The following PDE4C variants were observed in gnomAD, a reference collection of about 807,000 sequenced individuals.
PDE4C encodes the protein 3',5'-cyclic-AMP phosphodiesterase 4C.
A neutral mutation model predicts 63.9 loss-of-function variants in PDE4C; 50 were observed. The ratio of observed to expected loss-of-function variants is 0.78; its 90% CI spans 0.62 to 0.99. PDE4C has a LOEUF of 0.99. PDE4C is among the 50% of genes least tolerant of loss of function. PDE4C has a pLI of 0.00. For synonymous variants in PDE4C, 377 were observed against 385.1 expected (o/e 0.98, Z 0.25); for missense variants, 777 against 899.1 (o/e 0.86, Z 1.74).
At chr19:18,226,402 G>C (rs925433983) in exon 1 of PDE4C, 6 of 1,444,838 alleles carry the variant, frequency 4.2e-6, no homozygotes, top group African/African-American at 1.5e-5. Context: ...GGCGGGCGCG[G>C]GGGGGCCCTG....
At chr19:18,226,427 C>T in exon 1 of PDE4C, 2 of 1,409,918 alleles carry the variant, frequency 1.4e-6, no homozygotes, top group Non-Finnish European at 9.2e-7. Context: ...GCCAGGACTG[C>T]GTGGAGGCTG....
chr19:18,243,516 G>C (rs1162930114), intron 1 of PDE4C, among the ~76,000 whole-genome samples: 4 of 151,066 alleles, frequency 2.6e-5, no homozygotes, highest in African/African-American at 7.3e-5. Context: ...ATTGGGGGAA[G>C]CACCAGGCTT....
At chr19:18,228,537 C>T (rs1237310367), upstream of PDE4C, among the ~76,000 whole-genome samples, 1 of 152,162 alleles carries the variant, frequency 6.6e-6, no homozygotes, top group African/African-American at 2.4e-5. Context: ...TGGGTCCTCC[C>T]GCACTGGATG....
At chr19:18,250,556 T>C (rs902294104), upstream of PDE4C, 22 of 396,552 alleles carry the variant, frequency 5.5e-5, no homozygotes, top group Non-Finnish European at 8.9e-5. Context: ...CCTTTTAAAA[T>C]CTGTTCTCAG....
At chr19:18,212,136 C>T (rs1246252945) in intron 13 of PDE4C, among the ~76,000 whole-genome samples, 195 bp from the exon 14 acceptor site, 2 of 151,938 alleles carry the variant, frequency 1.3e-5, no homozygotes, top group African/African-American at 4.8e-5. Context: ...CCAGTCGGCA[C>T]TTCATAAATG....
chr19:18,218,888 G>C, intron 9 of PDE4C, 52 bp downstream of exon 9: 5 of 1,282,676 alleles, frequency 3.9e-6, no homozygotes, highest in Non-Finnish European at 5.7e-6. Flanking sequence ...GTAGGAAGCA[G>C]TGAGGGAAAC....
chr19:18,215,510 A>G (rs2148010946), intron 12 of PDE4C, among the ~76,000 whole-genome samples: 1 of 151,180 alleles, frequency 6.6e-6, no homozygotes, highest in Middle Eastern at 3.4e-3. Context: ...ATTCAAATGG[A>G]TAGATGTGTA....
In PDE4C at chr19:18,213,495, G is replaced by A. The variant is rs771112009; in HGVS notation, c.1390-5C>T. 1.9e-6 allele frequency: 3 copies of A among 1,609,572 alleles called. No individual in the cohort carries two copies. The highest frequency in any genetic ancestry group is 2.5e-6 in the Non-Finnish European group (3 of 1,177,420). Reference sequence around the variant, plus strand: ...GGACATGTCTGTGGCCAGCACCTGGGGGCAGGCAAGGGAAGGTGACAGGCG... The same window carrying A: ...GGACATGTCTGTGGCCAGCACCTGGAGGCAGGCAAGGGAAGGTGACAGGCG... On this transcript the variant is annotated splice_region_variant and splice_polypyrimidine_tract_variant and intron_variant, in intron 12 of 14. Coordinates refer to ENST00000262805, the Ensembl canonical transcript of PDE4C.
At chr19:18,222,375 C>A in intron 1 of PDE4C, 52 bp from the exon 2 acceptor site, 1 of 1,533,826 alleles carries the variant, frequency 6.5e-7, no homozygotes. Flanking sequence ...AACTGGGTGC[C>A]GGGTCGTGGC....
At chr19:18,225,506 C>G in intron 1 of PDE4C, 1 of 152,310 alleles carries the variant, frequency 6.6e-6, no homozygotes, top group East Asian at 1.9e-4. Flanking sequence ...CCCCTCTCAG[C>G]CTTTGGGTGC....
rs114743190 is a variant in PDE4C at position 18,233,341 on chromosome 19, A to C, written c.-150T>G. The C allele has an allele frequency of 7.4e-6, 8 of 1,086,492 alleles. No homozygotes were observed. In the African/African-American group the frequency reaches 9.3e-5, roughly 13 times the overall value. The allele number at this position is 1,086,492 out of a possible 1,614,324, so 67.3% of individuals were successfully genotyped here. A position where few individuals can be genotyped will look rare whatever the true frequency, so the allele number is the denominator to read the frequency against. ...GCGCCGGAGGTGCTGAAGCGGTAGA[A>C]GGTGGAACTGGGGCTCAAGGTGGGG... On this transcript the variant is annotated 5_prime_UTR_variant, in exon 1 of 15. Transcript: ENST00000594465.
chr19:18,229,879 A>T (rs1157402717), upstream of PDE4C, among the ~76,000 whole-genome samples: 1 of 151,964 alleles, frequency 6.6e-6, no homozygotes, highest in Admixed American at 6.6e-5. Context: ...CATGTGGCCC[A>T]TCCCCACCTC....
At chr19:18,244,156 C>A (rs1215818764) in intron 1 of PDE4C, among the ~76,000 whole-genome samples, 1 of 152,126 alleles carries the variant, frequency 6.6e-6, no homozygotes, top group Non-Finnish European at 1.5e-5. Context: ...CAGGCATGAA[C>A]TGCTGCACCT....
intron 1 of PDE4C, among the ~76,000 whole-genome samples, chr19:18,224,849 G>T (rs956333686): frequency 1.3e-5 from 2 of 152,232 alleles, no homozygotes; most frequent in Non-Finnish European, 2.9e-5. Context: ...TGGTGCAATG[G>T]GAGACGCTCT....
At chr19:18,228,041 C>G (rs1485344250), upstream of PDE4C, among the ~76,000 whole-genome samples, 2 of 152,260 alleles carry the variant, frequency 1.3e-5, no homozygotes, top group East Asian at 3.9e-4. Context: ...GGAACCAGAC[C>G]TCGCTGTCCC....
chr19:18,218,980 C>T, exon 9 of PDE4C: 3 of 1,613,666 alleles, frequency 1.9e-6, no homozygotes, highest in East Asian at 2.2e-5. Context: ...GGGCCGGTTC[C>T]CACTTAGCTC....
At chr19:18,245,085 G>A (rs8108101) in intron 1 of PDE4C, among the ~76,000 whole-genome samples, 2,777 of 152,082 alleles carry the variant, frequency 0.018, 97 homozygotes, top group African/African-American at 0.063. Context: ...TCCGCCAGTT[G>A]TGGCCTCCCA....
chr19:18,223,031 T>G (rs1170522875), intron 1 of PDE4C, among the ~76,000 whole-genome samples: 2 of 150,274 alleles, frequency 1.3e-5, no homozygotes, highest in African/African-American at 4.9e-5. Flanking sequence ...TTTTTTGGGG[T>G]TTTTTTGAGA....
intron 9 of PDE4C, 82 bp downstream of exon 9, chr19:18,218,858 G>T: frequency 2.0e-6 from 2 of 989,134 alleles, no homozygotes; most frequent in South Asian, 2.5e-5. Context: ...TTTGAAAAAT[G>T]AGTGTCCCTG....
Sources: gnomAD v4.1 joint callset for allele counts (sites outside exome capture counted in the v4.1 genomes callset) on GRCh38, gnomAD v4.1.1 for gene constraint, MANE v1.5 for transcripts, NCBI Gene and HGNC (gene_info 2026-07-23, HGNC 2026-07-21) for gene names.